FN1: variants seen among roughly 807,000 people sequenced by gnomAD.
FN1 encodes fibronectin.
In FN1, 106 loss-of-function variants were observed where a neutral mutation model predicts 297.3. The observed-to-expected ratio is 0.36, with a 90% CI of 0.30 to 0.42. FN1 has a LOEUF of 0.42. Ranked by LOEUF, FN1 falls within the 10% of genes least tolerant of loss-of-function variation. FN1 has a pLI of 1.00. For missense variants in FN1, 2,690 were observed against 3,124.9 expected, an observed-to-expected ratio of 0.86 and a Z score of 3.32; for synonymous variants, 1,149 against 1,152.6, an observed-to-expected ratio of 1.00 and a Z score of 0.06.
chr2:215,379,159 T>C lies in FN1; in HGVS notation c.5593A>G (p.Ser1865Gly), dbSNP rs1160261837. The C allele has an allele frequency of 1.2e-6, 2 of 1,613,980 alleles. No individual in the cohort carries two copies. Among genetic ancestry groups the C allele is most frequent in the Admixed American group, 1.7e-5 (1 of 59,992 alleles). The change falls in exon 34 of 46, where the codon AGC becomes GGC. Residue 1865 changes from serine to glycine, a missense_variant. Transcript: ENST00000354785. ...PMKEINLAPD[S>G]SSVVVSGLMV... The stretch of plus-strand genomic sequence containing the variant: ...AGTCCTGATACAACCACGGATGAGC[T>C]GTCAGGAGCAAGGTTGATTTCTTTC...
chr2:215,377,472 ACT>A (rs147695672), intron 35 of FN1, among the ~76,000 whole-genome samples: 9 of 147,370 alleles, frequency 6.1e-5, no homozygotes, highest in Admixed American at 2.7e-4. Flanking sequence ...TCCCCCCCCA[ACT>A]CTCTCTCTCT....
rs76042551 is a variant in FN1, at chr2:215,433,690, A to C, written c.278-229T>G. 0.017 allele frequency among the ~76,000 whole-genome samples: 2,531 copies of C among 152,360 alleles called. 64 individuals are homozygous for C. Among genetic ancestry groups the C allele is most frequent in the African/African-American group, 0.058 (2,414 of 41,578 alleles). ...TCTGTAAATTATTCATATTGTAGAA[A>C]AATCTCAGGCTCTTAGGAAAAGGCC... On this transcript the variant is annotated intron_variant, in intron 2 of 45. Coordinates refer to ENST00000354785, the MANE Select transcript of FN1 (RefSeq NM_212482.4).
intron 31 of FN1, 29 bp from the exon 32 acceptor site, chr2:215,382,354 C>T (rs758029711): frequency 7.4e-7 from 1 of 1,345,928 alleles, no homozygotes; most frequent in Non-Finnish European, 1.1e-6. Flanking sequence ...GCAAATGCAA[C>T]ATCCACGTCA....
chr2:215,377,225 G>A (rs1575331509), intron 35 of FN1, among the ~76,000 whole-genome samples: 1 of 152,058 alleles, frequency 6.6e-6, no homozygotes, highest in East Asian at 1.9e-4. Flanking sequence ...CATACATCAA[G>A]GTATTGATAT....
Position 215,397,699 on chromosome 2 carries a change from A to C in FN1, c.3498T>G (p.Ile1166Met), listed in dbSNP as rs879189748. 1 of 1,614,128 alleles carries C rather than the reference A, an allele frequency of 6.2e-7. No homozygotes were observed. The highest frequency in any genetic ancestry group is 1.1e-5 in the South Asian group (1 of 91,084). ...LRDGQERDAP[I>M]VNKVVTPLSP... ...TCTTACGTGTCACCACTTTGTTTAC[A>C]ATTGGCGCATCTCTTTCCTGTCCAT... Residue 1166 changes from isoleucine (I) to methionine (M), a missense_variant, in exon 22 of 46, where the codon ATT becomes ATG. Ile to Met is a conservative substitution (Grantham distance 10). Around this residue, in one of 3 missense-constraint regions of FN1, gnomAD observed 1,743 missense variants for 1,945.2 expected, o/e 0.90. Transcript: ENST00000354785.
chr2:215,380,895 T>C lies in FN1; in HGVS notation c.5350A>G (p.Arg1784Gly). The change falls in exon 33 of 46, where the codon AGA (arginine) becomes GGA (glycine). Residue 1784 changes from arginine to glycine, a missense_variant. Arg to Gly is a moderately radical substitution (Grantham distance 125). Around this residue, in one of 3 missense-constraint regions of FN1, gnomAD observed 1,743 missense variants for 1,945.2 expected, o/e 0.90. Transcript: ENST00000354785. ...EEDTAELQGL[R>G]PGSEYTVSVV... ...CTGACTGTGTACTCAGAACCCGGTC[T>C]GAGGCCTTGCAGCTCTGCAGTGTCT... 6.2e-7 allele frequency: 1 copy of C among 1,614,216 alleles called. No homozygotes were observed. The highest frequency in any genetic ancestry group is 8.5e-7 in the Non-Finnish European group (1 of 1,180,038).
chr2:215,411,349 C>G (rs567201089), intron 13 of FN1, among the ~76,000 whole-genome samples: 8 of 152,288 alleles, frequency 5.3e-5, no homozygotes, highest in Admixed American at 5.2e-4. Context: ...ATTACCCAGT[C>G]AACCATTTCC....
Position 215,382,279 on chromosome 2 carries a change from A to G in FN1, c.5097T>C (p.Tyr1699=), listed in dbSNP as rs769857911. 2.5e-6 allele frequency: 4 copies of G among 1,613,934 alleles called. No homozygotes were observed. The African/African-American group carries it at 5.3e-5, about 22-fold the overall frequency. Residue 1699 remains tyrosine, a synonymous_variant, in exon 32 of 46, where the codon TAT becomes TAC. Coordinates refer to ENST00000354785, the MANE Select transcript of FN1 (RefSeq NM_212482.4). ...GATTCTGAGCATAGACACTAACCAC[A>G]TACTCCACTGTGGGCTGCAAGCCTT... ...TIEGLQPTVE[Y]VVSVYAQNPS...
chr2:215,367,569 C>CT, intron 42 of FN1: 1 of 418,302 alleles, frequency 2.4e-6, no homozygotes, highest in Non-Finnish European at 4.5e-6. Flanking sequence ...TTCCAAAAGT[C>CT]TTTATCCATT....
At position 215,428,888 on chromosome 2, in the gene FN1, G is replaced by A. The variant is rs150148020; in HGVS notation, c.686-550C>T. On this transcript the variant is annotated intron_variant, in intron 5 of 45. Transcript: ENST00000354785. Reference sequence around the variant, plus strand: ...AAATTAGCCGGCTGTGGTGGCGGGCGCCTGTAATCCAAGCTACTCGGGAAG... The same window carrying A: ...AAATTAGCCGGCTGTGGTGGCGGGCACCTGTAATCCAAGCTACTCGGGAAG... Among the ~76,000 whole-genome samples, 1,222 of 152,110 alleles carry A rather than the reference G, an allele frequency of 8.0e-3. 14 individuals are homozygous for A. Among genetic ancestry groups the A allele is most frequent in the African/African-American group, 0.027 (1,115 of 41,490 alleles).
In FN1 at chr2:215,388,292, G is replaced by C. The variant is rs146898035; in HGVS notation, c.4262C>G (p.Pro1421Arg). The change falls in exon 27 of 46, where the codon CCT (proline) becomes CGT (arginine). Residue 1421 changes from proline (P) to arginine (R), a missense_variant. Physicochemically the swap from Pro to Arg is moderately radical, Grantham distance 103. This residue lies in a region of FN1 where 1,743 missense variants were observed against 1,945.2 expected (regional missense o/e 0.90). Coordinates refer to ENST00000354785, the MANE Select transcript of FN1 (RefSeq NM_212482.4). ...GACACTCACTACATATTCTGTACCAGGCAGGAGATCTGTAGGGGCAAATGG... is the reference window on the plus strand; with the variant it reads ...GACACTCACTACATATTCTGTACCACGCAGGAGATCTGTAGGGGCAAATGG... ...DNAVVLTNLL[P>R]GTEYVVSVSS... The C allele has an allele frequency of 2.2e-5, 35 of 1,612,920 alleles. No individual in the cohort carries two copies. In the African/African-American group the frequency reaches 3.5e-4, roughly 16 times the overall value.
chr2:215,382,307 A>G lies in FN1; in HGVS notation c.5069T>C (p.Ile1690Thr), dbSNP rs2058327857. Residue 1690 changes from isoleucine to threonine, a missense_variant, in exon 32 of 46, where the codon ATT becomes ACT. By Grantham distance (89) the Ile-to-Thr change is moderately conservative. Around this residue, in one of 3 missense-constraint regions of FN1, gnomAD observed 1,743 missense variants for 1,945.2 expected, o/e 0.90. Coordinates refer to ENST00000354785, the MANE Select transcript of FN1 (RefSeq NM_212482.4). ...TAGPDQTEMTIEGLQPTVEYV... is the reference protein window; with the variant it reads ...TAGPDQTEMTTEGLQPTVEYV... ...CTCCACTGTGGGCTGCAAGCCTTCAATAGTCATTTCTGTTTGATCTGCAAA... is the reference window on the plus strand; with the variant it reads ...CTCCACTGTGGGCTGCAAGCCTTCAGTAGTCATTTCTGTTTGATCTGCAAA... 3 of 1,612,490 alleles carry G rather than the reference A, an allele frequency of 1.9e-6. No homozygotes were observed. Among genetic ancestry groups the G allele is most frequent in the African/African-American group, 1.3e-5 (1 of 75,018 alleles).
At position 215,419,292 on chromosome 2, in the gene FN1, T is replaced by C. The variant is rs1233385926; in HGVS notation, c.1769A>G (p.Tyr590Cys). ...VHGVRYQCYCYGRGIGEWHCQ... is the reference protein window; with the variant it reads ...VHGVRYQCYCCGRGIGEWHCQ... ...ATGCCACTCCCCAATGCCACGGCCA[T>C]AGCAGTAGCACTGGTATCTGACACC... The change falls in exon 12 of 46, where the codon TAT becomes TGT. Residue 590 changes from tyrosine (Y) to cysteine (C), a missense_variant. Physicochemically the swap from Tyr to Cys is radical, Grantham distance 194 (BLOSUM62 -2). This residue lies in a region of FN1 where 876 missense variants were observed against 1,058.1 expected (regional missense o/e 0.83). Coordinates refer to ENST00000354785, the MANE Select transcript of FN1 (RefSeq NM_212482.4). 7 of 1,613,724 alleles carry C rather than the reference T, an allele frequency of 4.3e-6. No homozygotes were observed. Among genetic ancestry groups the C allele is most frequent in the Non-Finnish European group, 5.1e-6 (6 of 1,179,750 alleles).
intron 1 of FN1, 141 bp downstream of exon 1, chr2:215,435,514 T>C (rs2067309967): frequency 1.6e-6 from 2 of 1,260,788 alleles, no homozygotes; most frequent in South Asian, 1.3e-5. Context: ...CTCGGTCCTT[T>C]TGTGTGCACA....
chr2:215,381,629 G>A (rs976658636), intron 32 of FN1: 6 of 199,490 alleles, frequency 3.0e-5, no homozygotes, highest in Non-Finnish European at 5.1e-5. Context: ...ACGTGCCACC[G>A]CGACTGGCTA....
At chr2:215,428,882 G>A (rs548221429) in intron 5 of FN1, among the ~76,000 whole-genome samples, 61 of 152,140 alleles carry the variant, frequency 4.0e-4, no homozygotes, top group Non-Finnish European at 7.1e-4. Context: ...GGCTGTGGTG[G>A]CGGGCGCCTG....
intron 12 of FN1, among the ~76,000 whole-genome samples, chr2:215,416,154 G>T (rs10179882): frequency 0.23 from 34,835 of 151,938 alleles, 4,360 homozygotes; most frequent in African/African-American, 0.27. Flanking sequence ...ATATAACTTG[G>T]ATATCCATGT....
rs923051985 is a variant in FN1 at position 215,375,155 on chromosome 2, A to G, written c.6157+59T>C. The G allele has an allele frequency of 3.9e-6, 6 of 1,519,614 alleles. No individual in the cohort carries two copies. In the African/African-American group the frequency reaches 8.2e-5, roughly 21 times the overall value. The allele number at this position is 1,519,614 out of a possible 1,614,324, so 94.1% of individuals were successfully genotyped here. A position where few individuals can be genotyped will look rare whatever the true frequency, so the allele number is the denominator to read the frequency against. On this transcript the variant is annotated intron_variant, in intron 38 of 45. Coordinates refer to ENST00000354785, the MANE Select transcript of FN1 (RefSeq NM_212482.4). ...ATCAAAGACGCTGTGGGAGTTTGCT[A>G]AGGACTTCATGTGTCCTAGGTAGTA...
chr2:215,378,353 G>C, intron 34 of FN1, 91 bp from the exon 35 acceptor site: 1 of 748,340 alleles, frequency 1.3e-6, no homozygotes, highest in Non-Finnish European at 2.4e-6. Context: ...GCAATGGTTA[G>C]AAAATAAAAA....
Sources: allele counts gnomAD v4.1 joint callset (sites outside exome capture counted in the v4.1 genomes callset), GRCh38; gene constraint gnomAD v4.1.1; regional missense constraint gnomAD v4.1.1; transcripts MANE v1.5; gene names NCBI Gene and HGNC (gene_info 2026-07-23, HGNC 2026-07-21).